Variants in CDK15 observed in about 807,000 individuals in gnomAD.
The protein encoded by CDK15 is cyclin dependent kinase 15.
A neutral mutation model predicts 60.3 loss-of-function variants in CDK15; 62 were observed. The ratio of observed to expected loss-of-function variants is 1.03; its 90% CI spans 0.84 to 1.27. CDK15 has a LOEUF of 1.27. Ranked by LOEUF, CDK15 falls within the 50% of genes most tolerant of loss-of-function variation. The pLI is 0.00. For synonymous variants in CDK15, 194 were observed against 195.7 expected, an observed-to-expected ratio of 0.99 and a Z score of 0.07; for missense variants, 541 against 527.8, an observed-to-expected ratio of 1.03 and a Z score of -0.25.
In CDK15 at chr2:201,893,981, T is replaced by C. The variant is rs1699707991; in HGVS notation, c.*714T>C. 1 of 151,934 alleles carries C rather than the reference T, an allele frequency of 6.6e-6. No homozygotes were observed. Among genetic ancestry groups the C allele is most frequent in the South Asian group, 2.1e-4 (1 of 4,814 alleles). 9.4% of individuals were successfully genotyped at this position (151,934 alleles called of 1,614,324 possible). On this transcript the variant is annotated 3_prime_UTR_variant, in exon 14 of 14. Transcript: ENST00000652192. ...TTGTCTGTGATGATGGCAACAGTGA[T>C]GGGGAATCTAAGCGCTGGTTTGATG...
intron 6 of CDK15, among the ~76,000 whole-genome samples, chr2:201,825,312 C>CAA (rs200857853): frequency 2.2e-4 from 19 of 86,936 alleles, no homozygotes; most frequent in South Asian, 6.8e-4. Flanking sequence ...GACTCCAACT[C>CAA]AAAAAAAAAA....
At chr2:201,885,731 T>G (rs1439167250) in intron 12 of CDK15, among the ~76,000 whole-genome samples, 3 of 152,212 alleles carry the variant, frequency 2.0e-5, no homozygotes, top group Non-Finnish European at 4.4e-5. Context: ...AAAGAGTTAT[T>G]TATAAAGGAT....
intron 7 of CDK15, 131 bp downstream of exon 7, chr2:201,834,102 A>ACT (rs1696901832): frequency 9.0e-7 from 1 of 1,114,516 alleles, no homozygotes; most frequent in Non-Finnish European, 1.2e-6. Context: ...GAGGATATCA[A>ACT]ACTACCACAA....
At chr2:201,844,772 A>G (rs1697568887) in intron 8 of CDK15, among the ~76,000 whole-genome samples, 1 of 152,156 alleles carries the variant, frequency 6.6e-6, no homozygotes, top group South Asian at 2.1e-4. Context: ...CCTGGGCAAC[A>G]CAGTGAGATC....
chr2:201,854,340 T>A (rs1325935427), intron 9 of CDK15, among the ~76,000 whole-genome samples: 2 of 152,138 alleles, frequency 1.3e-5, no homozygotes, highest in African/African-American at 4.8e-5. Context: ...AGAGTTAGTT[T>A]TGGGGTCATC....
At chr2:201,807,999 C>G in intron 3 of CDK15, 47 bp downstream of exon 3, 1 of 1,501,900 alleles carries the variant, frequency 6.7e-7, no homozygotes. Flanking sequence ...AGAGTCCCGC[C>G]CCCCCAATTT....
Position 201,872,260 on chromosome 2 carries a change from C to T in CDK15, c.1010-18C>T. On this transcript the variant is annotated intron_variant, in intron 10 of 13. Transcript: ENST00000652192. ...TCGGGTGGATTTTATTTTTTAACGC[C>T]CTCTGTATGCTTCCCAGAATGGTTC... The T allele has an allele frequency of 6.2e-7, 1 of 1,613,796 alleles. No individual in the cohort carries two copies. The highest frequency in any genetic ancestry group is 8.5e-7 in the Non-Finnish European group (1 of 1,179,838).
chr2:201,861,511 T>C, intron 10 of CDK15: 1 of 984,876 alleles, frequency 1.0e-6, no homozygotes, highest in Non-Finnish European at 1.2e-6. Flanking sequence ...TTTTAGTAGG[T>C]ACTCAATAAA....
intron 8 of CDK15, among the ~76,000 whole-genome samples, chr2:201,838,495 C>A (rs953196025): frequency 9.2e-5 from 14 of 151,990 alleles, no homozygotes; most frequent in Admixed American, 5.9e-4. Context: ...GCCTCCAACT[C>A]CTGGGTTTAA....
chr2:201,845,516 C>T (rs1574893702), intron 8 of CDK15, among the ~76,000 whole-genome samples: 1 of 150,014 alleles, frequency 6.7e-6, no homozygotes, highest in Admixed American at 6.7e-5. Context: ...TTTTGGGAGG[C>T]CTAGGCAGGC....
intron 8 of CDK15, among the ~76,000 whole-genome samples, chr2:201,841,409 G>A (rs543798882): frequency 4.6e-5 from 7 of 152,276 alleles, no homozygotes; most frequent in Admixed American, 1.3e-4. Flanking sequence ...AGAACAATAT[G>A]CATCTTCCAT....
In CDK15 at chr2:201,894,356, C is replaced by T. The variant is rs150796841; in HGVS notation, c.*1089C>T. On this transcript the variant is annotated 3_prime_UTR_variant, in exon 14 of 14. Transcript: ENST00000652192. ...GTCTGAGATGGAAAAAGGAAAAAGA[C>T]ACATGGGTAGCCCAAATCAACCTGC... is the stretch of plus-strand genomic sequence containing the variant. The T allele has an allele frequency of 6.6e-6, 1 of 152,260 alleles. No homozygotes were observed. Among genetic ancestry groups the T allele is most frequent in the Non-Finnish European group, 1.5e-5 (1 of 68,018 alleles). 9.4% of individuals were successfully genotyped at this position (152,260 alleles called of 1,614,324 possible). A position where few individuals can be genotyped will look rare whatever the true frequency, so the allele number is the denominator to read the frequency against.
At chr2:201,837,114 A>C (rs113019933) in intron 8 of CDK15, among the ~76,000 whole-genome samples, 1 of 151,826 alleles carries the variant, frequency 6.6e-6, no homozygotes, top group African/African-American at 2.4e-5. Flanking sequence ...CCTGGGTAGC[A>C]CAGTGAGATG....
rs1342959867 is a variant in CDK15 at position 201,836,240 on chromosome 2, A to G, written c.851+477A>G. Among the ~76,000 whole-genome samples the G allele has an allele frequency of 9.0e-4, 118 of 131,056 alleles. 2 individuals carry two copies. The highest frequency in any genetic ancestry group is 3.2e-3 in the African/African-American group (110 of 34,414). 86.0% of individuals were successfully genotyped at this position (131,056 alleles called of 152,430 possible). ...TTTTTTTGAGATGGAGTCTCACTCT[A>G]TTGCCCAGGCTGGAGTGCAGTGGCA... On this transcript the variant is annotated intron_variant, in intron 8 of 13. Transcript: ENST00000652192.
At chr2:201,853,375 T>C (rs746474883) in intron 9 of CDK15, among the ~76,000 whole-genome samples, 2 of 152,208 alleles carry the variant, frequency 1.3e-5, no homozygotes, top group Non-Finnish European at 1.5e-5. Context: ...TGTCTTTTGT[T>C]TAAAGACAAG....
At chr2:201,822,977 T>C (rs1368459208) in intron 5 of CDK15, 74 bp downstream of exon 5, 19 of 878,168 alleles carry the variant, frequency 2.2e-5, no homozygotes, top group Non-Finnish European at 3.4e-5. Context: ...GTTAATATTT[T>C]ATGGCATGAT....
intron 11 of CDK15, among the ~76,000 whole-genome samples, chr2:201,877,537 G>A (rs1288924949): frequency 1.3e-5 from 2 of 152,208 alleles, no homozygotes; most frequent in African/African-American, 4.8e-5. Flanking sequence ...GGGTGGACCA[G>A]CTAAAATTTG....
intron 9 of CDK15, among the ~76,000 whole-genome samples, chr2:201,848,104 G>A (rs1479475145): frequency 6.6e-6 from 1 of 151,878 alleles, no homozygotes; most frequent in Non-Finnish European, 1.5e-5. Context: ...TCCAGGCTGG[G>A]GAACAAAAAA....
intron 1 of CDK15, 84 bp from the exon 2 acceptor site, chr2:201,807,410 G>A (rs1210323072): frequency 5.8e-6 from 8 of 1,387,074 alleles, no homozygotes; most frequent in African/African-American, 4.4e-5. Flanking sequence ...GTGAAAATGA[G>A]GCAAATAAAG....
Sources: allele counts gnomAD v4.1 joint callset (sites outside exome capture counted in the v4.1 genomes callset), GRCh38; gene constraint gnomAD v4.1.1; transcripts MANE v1.5; gene names NCBI Gene and HGNC (gene_info 2026-07-23, HGNC 2026-07-21).